Variants in CDH13 observed in about 807,000 individuals in gnomAD.
The protein encoded by CDH13 is cadherin-13.
CDH13 carries 24 observed loss-of-function variants against 63.8 expected under a neutral mutation model. That is an observed-to-expected ratio of 0.38 (90% confidence interval 0.27 to 0.53). The LOEUF is 0.53. CDH13 is among the 20% of genes least tolerant of loss of function. CDH13 has a pLI of 0.85. For missense variants in CDH13, 1,049 were observed against 903.1 expected, an observed-to-expected ratio of 1.16 and a Z score of -2.07; for synonymous variants, 503 against 355.3, an observed-to-expected ratio of 1.42 and a Z score of -4.67.
At chr16:82,672,767 G>A (rs1477767770) in intron 1 of CDH13, among the ~76,000 whole-genome samples, 3 of 93,702 alleles carry the variant, frequency 3.2e-5, no homozygotes, top group Admixed American at 1.2e-4. Context: ...ATATATATGT[G>A]TACACACACA....
intron 3 of CDH13, among the ~76,000 whole-genome samples, chr16:83,109,891 G>A (rs1011262855): frequency 2.0e-5 from 3 of 152,174 alleles, no homozygotes; most frequent in Admixed American, 1.3e-4. Context: ...TTCACCTCCA[G>A]TAAAACTAGC....
intron 10 of CDH13, among the ~76,000 whole-genome samples, chr16:83,701,135 C>T (rs981227468): frequency 1.3e-5 from 2 of 151,952 alleles, no homozygotes; most frequent in African/African-American, 4.8e-5. Context: ...ACATTCCTTG[C>T]CGAAGCCAGG....
At chr16:83,055,784 T>G (rs1216327750) in intron 3 of CDH13, among the ~76,000 whole-genome samples, 1 of 152,100 alleles carries the variant, frequency 6.6e-6, no homozygotes, top group Non-Finnish European at 1.5e-5. Flanking sequence ...ATAACTGACA[T>G]AAACATTGAA....
intron 6 of CDH13, among the ~76,000 whole-genome samples, chr16:83,356,413 C>G (rs886352910): frequency 1.3e-5 from 2 of 152,072 alleles, no homozygotes; most frequent in African/African-American, 4.8e-5. Flanking sequence ...TTGAGAGATG[C>G]TCAACAACTC....
intron 6 of CDH13, among the ~76,000 whole-genome samples, chr16:83,458,436 T>C (rs1314954405): frequency 6.6e-6 from 1 of 152,176 alleles, no homozygotes; most frequent in East Asian, 1.9e-4. Context: ...TCCTCTTATA[T>C]TTTCCTTTCC....
chr16:82,652,647 G>GCTA (rs1910856106), intron 1 of CDH13, among the ~76,000 whole-genome samples: 1 of 149,908 alleles, frequency 6.7e-6, no homozygotes, highest in Non-Finnish European at 1.5e-5. Context: ...TGCTGCTGCT[G>GCTA]CTGCTGCTGC....
chr16:83,377,563 T>C (rs1226623038), intron 6 of CDH13, among the ~76,000 whole-genome samples: 3 of 152,204 alleles, frequency 2.0e-5, no homozygotes, highest in Non-Finnish European at 4.4e-5. Context: ...AATGTGCCCA[T>C]TGGTGGTGAC....
chr16:82,794,798 G>GT (rs994966275), intron 1 of CDH13, among the ~76,000 whole-genome samples: 1 of 152,160 alleles, frequency 6.6e-6, no homozygotes, highest in Non-Finnish European at 1.5e-5. Context: ...ATTTAAACCA[G>GT]TTTTTCCTAC....
At position 83,696,282 on chromosome 16, in the gene CDH13, C is replaced by T. The variant is rs184664749; in HGVS notation, c.1538+17821C>T. On this transcript the variant is annotated intron_variant, in intron 10 of 13. Coordinates refer to ENST00000567109, the MANE Select transcript of CDH13 (RefSeq NM_001257.5). Reference sequence around the variant, plus strand: ...AAAAAGTCATGCTCAGTAGAGTGTGCAGGTTCGTTAAACACCTGTGATATC... The same window carrying T: ...AAAAAGTCATGCTCAGTAGAGTGTGTAGGTTCGTTAAACACCTGTGATATC... 1.4e-3 allele frequency among the ~76,000 whole-genome samples: 213 copies of T among 152,308 alleles called. 1 individual carries two copies. The highest frequency in any genetic ancestry group is 4.7e-3 in the African/African-American group (196 of 41,568).
At chr16:83,409,482 G>A (rs966331247) in intron 6 of CDH13, among the ~76,000 whole-genome samples, 1 of 152,194 alleles carries the variant, frequency 6.6e-6, no homozygotes, top group Non-Finnish European at 1.5e-5. Flanking sequence ...AATGGTTAAG[G>A]GTTTGGTTTG....
At chr16:82,949,047 A>G (rs1265974304) in intron 2 of CDH13, among the ~76,000 whole-genome samples, 1 of 152,070 alleles carries the variant, frequency 6.6e-6, no homozygotes, top group East Asian at 1.9e-4. Flanking sequence ...CCCTGTGTAA[A>G]CCTCCTTATG....
chr16:82,708,369 A>G (rs2031655599), intron 1 of CDH13, among the ~76,000 whole-genome samples: 1 of 152,176 alleles, frequency 6.6e-6, no homozygotes, highest in Non-Finnish European at 1.5e-5. Flanking sequence ...AGGGGATGCA[A>G]GAAACACTGA....
chr16:82,982,152 A>T (rs1230620228), intron 2 of CDH13, among the ~76,000 whole-genome samples: 1 of 152,212 alleles, frequency 6.6e-6, no homozygotes, highest in African/African-American at 2.4e-5. Context: ...CAACTATAAA[A>T]TGGAGATAAT....
rs1307000500 is a variant in CDH13 at position 82,697,431 on chromosome 16, T to C, written c.45+70294T>C. Among the ~76,000 whole-genome samples the C allele has an allele frequency of 2.3e-3, 289 of 123,328 alleles. 1 individual carries two copies. The highest frequency in any genetic ancestry group is 9.9e-3 in the African/African-American group (269 of 27,240). 80.9% of individuals were successfully genotyped at this position (123,328 alleles called of 152,430 possible). A position where few individuals can be genotyped will look rare whatever the true frequency, so the allele number is the denominator to read the frequency against. ...CAAGGCATTTCTTTTTTCTTTTTTT[T>C]TTTTTTTTTTTTTTTTGAGACAGAG... On this transcript the variant is annotated intron_variant, in intron 1 of 13. Transcript: ENST00000567109.
chr16:83,459,579 C>G (rs999777656), intron 6 of CDH13, among the ~76,000 whole-genome samples: 5 of 152,208 alleles, frequency 3.3e-5, no homozygotes, highest in Non-Finnish European at 4.4e-5. Flanking sequence ...TTTGGTTTCA[C>G]TGTGCTGTAC....
At chr16:82,931,633 G>A (rs1405665602) in intron 2 of CDH13, among the ~76,000 whole-genome samples, 2 of 151,818 alleles carry the variant, frequency 1.3e-5, no homozygotes, top group African/African-American at 4.8e-5. Flanking sequence ...GAAGTTTAAT[G>A]GACTCACAGT....
At chr16:83,274,607 G>A (rs997426407) in intron 5 of CDH13, among the ~76,000 whole-genome samples, 17 of 152,152 alleles carry the variant, frequency 1.1e-4, no homozygotes, top group Non-Finnish European at 1.5e-5. Flanking sequence ...CCCACATGCA[G>A]CACAGAGCCT....
intron 2 of CDH13, among the ~76,000 whole-genome samples, chr16:82,901,761 T>C (rs891405118): frequency 1.3e-5 from 2 of 152,224 alleles, no homozygotes; most frequent in African/African-American, 4.8e-5. Context: ...TACCAGGCCC[T>C]GTGCCAATTG....
At chr16:82,876,051 C>G (rs2040492813) in intron 2 of CDH13, among the ~76,000 whole-genome samples, 1 of 152,174 alleles carries the variant, frequency 6.6e-6, no homozygotes, top group South Asian at 2.1e-4. Context: ...ATCATCAGCT[C>G]TCATGAGACT....
Sources: gnomAD v4.1 joint callset for allele counts (sites outside exome capture counted in the v4.1 genomes callset) on GRCh38, gnomAD v4.1.1 for gene constraint, MANE v1.5 for transcripts, NCBI Gene and HGNC (gene_info 2026-07-23, HGNC 2026-07-21) for gene names.